The following SS18 variants were observed in gnomAD, a reference collection of about 807,000 sequenced individuals.
The protein encoded by SS18 is SS18 subunit of BAF chromatin remodeling complex.
SS18 carries 28 observed loss-of-function variants against 72.5 expected under a neutral mutation model. The observed-to-expected ratio is 0.39, with a 90% CI of 0.29 to 0.53. SS18 has a LOEUF of 0.53. Among genes scored for constraint, SS18 ranks in the 20% least tolerant of loss-of-function variants. The pLI is 0.76. For missense variants in SS18, 518 were observed against 535.3 expected, an observed-to-expected ratio of 0.97 and a Z score of 0.32; for synonymous variants, 172 against 164.2, an observed-to-expected ratio of 1.05 and a Z score of -0.37.
At chr18:26,076,576 T>C (rs2054417041) in intron 3 of SS18, among the ~76,000 whole-genome samples, 1 of 152,004 alleles carries the variant, frequency 6.6e-6, no homozygotes. Flanking sequence ...CAAAACTAAA[T>C]ATACTGATTA....
intron 2 of SS18, among the ~76,000 whole-genome samples, chr18:26,078,638 C>A (rs1012081580): frequency 6.6e-6 from 1 of 152,160 alleles, no homozygotes; most frequent in Non-Finnish European, 1.5e-5. Flanking sequence ...GTAATCCCAG[C>A]CCTTTAGGAG....
chr18:26,019,898 T>C (rs150784901), intron 10 of SS18, among the ~76,000 whole-genome samples: 130 of 151,998 alleles, frequency 8.6e-4, no homozygotes, highest in African/African-American at 3.0e-3. Flanking sequence ...GAAGGATTTA[T>C]GAGTAAAATG....
At chr18:26,074,338 C>T (rs1447851602) in intron 3 of SS18, among the ~76,000 whole-genome samples, 5 of 151,368 alleles carry the variant, frequency 3.3e-5, no homozygotes, top group African/African-American at 1.2e-4. Context: ...TTACTGAGTT[C>T]TGCTGTAATA....
At chr18:26,044,232 G>GCTA (rs2053780081) in intron 5 of SS18, among the ~76,000 whole-genome samples, 1 of 151,934 alleles carries the variant, frequency 6.6e-6, no homozygotes, top group Admixed American at 6.6e-5. Flanking sequence ...CTAAGTATAG[G>GCTA]CTACTATACT....
chr18:26,042,501 A>G (rs981204190), intron 5 of SS18, among the ~76,000 whole-genome samples: 1 of 152,148 alleles, frequency 6.6e-6, no homozygotes, highest in Non-Finnish European at 1.5e-5. Context: ...TTTATATTCT[A>G]ATAGATATTC....
chr18:26,054,974 A>G (rs2053990803), intron 4 of SS18, among the ~76,000 whole-genome samples: 1 of 151,890 alleles, frequency 6.6e-6, no homozygotes, highest in Non-Finnish European at 1.5e-5. Context: ...CCTGACCTCA[A>G]CTGATCCACC....
chr18:26,074,056 C>G (rs141502117), intron 3 of SS18, among the ~76,000 whole-genome samples: 359 of 152,192 alleles, frequency 2.4e-3, no homozygotes, highest in Non-Finnish European at 3.7e-3. Context: ...CATCCCCATA[C>G]TTAGGCACTT....
At position 26,057,875 on chromosome 18, in the gene SS18, C is replaced by A. The variant is rs986246157; in HGVS notation, c.232-133G>T. On this transcript the variant is annotated intron_variant, in intron 3 of 10. Coordinates refer to ENST00000415083, the MANE Select transcript of SS18 (RefSeq NM_001007559.3). ...AAATGCATTTCGAATTCTTCTAATG[C>A]ATTTTCATCATGAACATAGTTAATA... The A allele has an allele frequency of 1.1e-5, 9 of 794,178 alleles. No homozygotes were observed. In the African/African-American group the frequency reaches 1.2e-4, roughly 11 times the overall value. The allele number at this position is 794,178 out of a possible 1,614,324, so 49.2% of individuals were successfully genotyped here.
chr18:26,060,771 CAAAAAAAAAAAAAA>C (rs60999827), intron 3 of SS18, among the ~76,000 whole-genome samples: 799 of 39,616 alleles, frequency 0.02, 11 homozygotes, highest in African/African-American at 0.049. Flanking sequence ...CTAAAAATAC[CAAAAAAAAAAAAAA>C]AAAAAAAAAA....
At chr18:26,061,983 G>A (rs1278013757) in intron 3 of SS18, among the ~76,000 whole-genome samples, 10 of 152,214 alleles carry the variant, frequency 6.6e-5, no homozygotes, top group Middle Eastern at 3.4e-3. Flanking sequence ...AGGTTAGGCC[G>A]GGTGAGGTGG....
chr18:26,082,043 A>G (rs1358614118), intron 2 of SS18, among the ~76,000 whole-genome samples: 1 of 152,134 alleles, frequency 6.6e-6, no homozygotes. Context: ...TGGGCAAAAG[A>G]GTGAGATTAT....
intron 10 of SS18, among the ~76,000 whole-genome samples, chr18:26,032,015 A>G (rs1460616119): frequency 1.3e-5 from 2 of 152,162 alleles, no homozygotes; most frequent in Non-Finnish European, 2.9e-5. Context: ...CGGAGGGGGA[A>G]CCAAATGAAT....
At chr18:26,029,924 C>G (rs1190420856) in intron 10 of SS18, among the ~76,000 whole-genome samples, 3 of 152,062 alleles carry the variant, frequency 2.0e-5, no homozygotes, top group African/African-American at 4.8e-5. Flanking sequence ...AATGGTCCCC[C>G]CCTCATATTC....
chr18:26,016,785 C>CAA lies in SS18; in HGVS notation c.*1567_*1568dup. 4.3e-6 allele frequency: 1 copy of CAA among 231,620 alleles called. No homozygotes were observed. The highest frequency in any genetic ancestry group is 8.6e-6 in the Non-Finnish European group (1 of 116,872). 14.3% of individuals were successfully genotyped at this position (231,620 alleles called of 1,614,324 possible). ...AAACCTGTTCTGACCTTGAAACACACAAACACACACTCTCTCTCTCATACA... is the reference window on the plus strand; with the variant it reads ...AAACCTGTTCTGACCTTGAAACACACAAAAACACACACTCTCTCTCTCATACA... On this transcript the variant is annotated 3_prime_UTR_variant, in exon 11 of 11. Coordinates refer to ENST00000415083, the MANE Select transcript of SS18 (RefSeq NM_001007559.3).
At chr18:26,042,435 G>C (rs530238698) in intron 5 of SS18, among the ~76,000 whole-genome samples, 22 of 152,030 alleles carry the variant, frequency 1.4e-4, no homozygotes, top group Non-Finnish European at 1.3e-4. Flanking sequence ...CAAGTGTTTT[G>C]CAAGGGCATA....
intron 3 of SS18, 113 bp from the exon 4 acceptor site, chr18:26,057,855 C>A (rs2054051373): frequency 9.7e-7 from 1 of 1,029,822 alleles, no homozygotes; most frequent in East Asian, 2.7e-5. Context: ...AACACAAATG[C>A]ATTTCGAATT....
intron 1 of SS18, 134 bp from the exon 2 acceptor site, chr18:26,087,711 T>C (rs2054641143): frequency 2.0e-6 from 1 of 500,932 alleles, no homozygotes; most frequent in Admixed American, 4.0e-5. Context: ...CTTAACAAAA[T>C]ACTGTCCCCT....
chr18:26,057,124 T>G (rs1431125534), intron 4 of SS18, among the ~76,000 whole-genome samples: 2 of 152,228 alleles, frequency 1.3e-5, no homozygotes, highest in African/African-American at 4.8e-5. Context: ...TCAATATCAA[T>G]AAGGAAATAC....
chr18:26,090,130 C>A, intron 1 of SS18: 1 of 226,364 alleles, frequency 4.4e-6, no homozygotes. Flanking sequence ...GGGGCGACGC[C>A]AAAGTAACTC....
Sources: allele counts gnomAD v4.1 joint callset (sites outside exome capture counted in the v4.1 genomes callset), GRCh38; gene constraint gnomAD v4.1.1; transcripts MANE v1.5; gene names NCBI Gene and HGNC (gene_info 2026-07-23, HGNC 2026-07-21).